The following NELFA variants were observed in gnomAD, a reference collection of about 807,000 sequenced individuals.
The protein encoded by NELFA is negative elongation factor A.
A neutral mutation model predicts 51.8 loss-of-function variants in NELFA; 35 were observed. The observed-to-expected ratio is 0.68, with a 90% CI of 0.52 to 0.90. NELFA has a LOEUF of 0.90. NELFA is among the 40% of genes least tolerant of loss of function. The pLI is 0.00. For missense variants in NELFA, 658 were observed against 746.4 expected (o/e 0.88, Z 1.38); for synonymous variants, 417 against 338.4 (o/e 1.23, Z -2.55).
intron 7 of NELFA, 80 bp from the exon 8 acceptor site, chr4:1,984,999 C>G (rs1018440646): frequency 9.6e-7 from 1 of 1,037,608 alleles, no homozygotes; most frequent in African/African-American, 1.6e-5. Context: ...ACCCGGAGCT[C>G]CACTGCCACA....
At position 1,987,949 on chromosome 4, in the gene NELFA, G is replaced by A; in HGVS notation, c.603C>T (p.Gly201=). 6.2e-7 allele frequency: 1 copy of A among 1,610,680 alleles called. No individual in the cohort carries two copies. The highest frequency in any genetic ancestry group is 8.5e-7 in the Non-Finnish European group (1 of 1,179,462). ...TGTCCATCTTCCGCAGCAGCCCCCG[G>A]CCCTTGGCGTGGAAGGGCACCCCGG... ...RSAGVPFHAK[G]RGLLRKMDTT... The change falls in exon 4 of 11, where the codon GGC becomes GGT. Residue 201 remains glycine, a synonymous_variant. Transcript: ENST00000382882.
intron 1 of NELFA, among the ~76,000 whole-genome samples, chr4:1,993,814 T>G (rs1245999309): frequency 7.4e-6 from 1 of 134,262 alleles, no homozygotes; most frequent in Non-Finnish European, 1.6e-5. Flanking sequence ...TTTTTTTTTT[T>G]GAGACAGAGT....
intron 4 of NELFA, chr4:1,987,515 G>A (rs1022821093): frequency 5.5e-6 from 1 of 182,462 alleles, no homozygotes. Flanking sequence ...AGGGACACTC[G>A]GAACCCAAGA....
At position 1,983,833 on chromosome 4, in the gene NELFA, C is replaced by G. The variant is rs776584835; in HGVS notation, c.1302+15G>C. On this transcript the variant is annotated intron_variant, in intron 9 of 10. Transcript: ENST00000382882. ...CCTACCTGGTGGCCTGTGGGCCCTACCAGTGTACACCTACCGTGAGGGACA... is the reference window on the plus strand; with the variant it reads ...CCTACCTGGTGGCCTGTGGGCCCTAGCAGTGTACACCTACCGTGAGGGACA... 2 of 1,566,438 alleles carry G rather than the reference C, an allele frequency of 1.3e-6. No individual in the cohort carries two copies. Among genetic ancestry groups the G allele is most frequent in the Non-Finnish European group, 1.7e-6 (2 of 1,154,962 alleles).
intron 7 of NELFA, 44 bp downstream of exon 7, chr4:1,985,732 C>T (rs1232079569): frequency 2.0e-6 from 3 of 1,525,502 alleles, no homozygotes; most frequent in East Asian, 2.3e-5. Context: ...ACAAAAGGGG[C>T]ACCCGCAGTG....
intron 1 of NELFA, chr4:2,007,906 G>T: frequency 6.6e-6 from 3 of 453,062 alleles, no homozygotes; most frequent in South Asian, 4.7e-5. Context: ...AAAACTACTC[G>T]GTTTATTTCG....
In NELFA at chr4:1,983,936, G is replaced by C; in HGVS notation, c.1214C>G (p.Pro405Arg). The change falls in exon 9 of 11, where the codon CCT becomes CGT. Residue 405 changes from proline (P) to arginine (R), a missense_variant. Pro to Arg is a moderately radical substitution (Grantham distance 103). Around this residue, in one of 3 missense-constraint regions of NELFA, gnomAD observed 200 missense variants for 167.9 expected, o/e 1.19. Coordinates refer to ENST00000382882, the MANE Select transcript of NELFA (RefSeq NM_005663.5). ...GGCAACCGGGGGTGTCTGAGTGGTA[G>C]GGGCGACAGCCGGAGGTGTGGTGGG... ...LTPTTPPAVA[P>R]TTQTPPVAMV... 1 of 1,610,758 alleles carries C rather than the reference G, an allele frequency of 6.2e-7. No homozygotes were observed.
chr4:2,008,820 C>G lies in NELFA; in HGVS notation c.140G>C (p.Gly47Ala). The G allele has an allele frequency of 1.2e-6, 2 of 1,611,504 alleles. No individual in the cohort carries two copies. The highest frequency in any genetic ancestry group is 1.7e-6 in the Non-Finnish European group (2 of 1,179,006). Reference sequence around the variant, plus strand: ...CTTGAGCTTCACTGCCGACGAGAGGCCATGGAAGCAGAGACGGATGTTGTC... The same window carrying G: ...CTTGAGCTTCACTGCCGACGAGAGGGCATGGAAGCAGAGACGGATGTTGTC... ...VIDNIRLCFHGLSSAVKLKLL... is the reference protein window; with the variant it reads ...VIDNIRLCFHALSSAVKLKLL... The change falls in exon 1 of 11, where the codon GGC (glycine) becomes GCC (alanine). Residue 47 changes from glycine to alanine, a missense_variant. Physicochemically the swap from Gly to Ala is moderately conservative, Grantham distance 60 (BLOSUM62 0). This residue lies in a region of NELFA where 371 missense variants were observed against 448.3 expected (regional missense o/e 0.83). Coordinates refer to ENST00000382882, the MANE Select transcript of NELFA (RefSeq NM_005663.5).
chr4:1,985,096 C>T (rs563037962), intron 7 of NELFA, among the ~76,000 whole-genome samples, 177 bp from the exon 8 acceptor site: 35 of 151,908 alleles, frequency 2.3e-4, no homozygotes, highest in Non-Finnish European at 4.0e-4. Context: ...TGGCCCCTGG[C>T]GCCCCAGCAG....
chr4:1,998,096 T>TCAA (rs988420652), intron 1 of NELFA, among the ~76,000 whole-genome samples: 27 of 133,840 alleles, frequency 2.0e-4, no homozygotes, highest in East Asian at 1.1e-3. Context: ...GACAACAGCA[T>TCAA]CAACAACAAC....
chr4:2,002,014 C>G (rs566393359), intron 1 of NELFA, among the ~76,000 whole-genome samples: 1 of 151,710 alleles, frequency 6.6e-6, no homozygotes, highest in Non-Finnish European at 1.5e-5. Flanking sequence ...TCCTGGCTAA[C>G]ACGGTGAAAC....
At chr4:1,990,154 A>G in intron 2 of NELFA, 1 of 478,872 alleles carries the variant, frequency 2.1e-6, no homozygotes, top group Non-Finnish European at 3.8e-6. Flanking sequence ...ACATAGATAC[A>G]GTGATTCCTG....
chr4:2,004,962 T>C (rs1728671616), intron 1 of NELFA, among the ~76,000 whole-genome samples: 1 of 151,438 alleles, frequency 6.6e-6, no homozygotes, highest in Admixed American at 6.6e-5. Context: ...CCTGCCACCA[T>C]GCCCGGCTAA....
At position 1,983,641 on chromosome 4, in the gene NELFA, G is replaced by A. The variant is rs779601696; in HGVS notation, c.1357C>T (p.Arg453Trp). 2.5e-6 allele frequency: 4 copies of A among 1,614,094 alleles called. No homozygotes were observed. The highest frequency in any genetic ancestry group is 2.5e-6 in the Non-Finnish European group (3 of 1,179,998). Residue 453 changes from arginine (R) to tryptophan (W), a missense_variant, in exon 10 of 11, where the codon CGG becomes TGG. By Grantham distance (101) the Arg-to-Trp change is moderately radical. Transcript: ENST00000382882. ...EMFKTANKVT[R>W]PEKALILGFM... is the part of the protein sequence containing the mutation. ...CCCAGGATGAGGGCCTTCTCGGGCC[G>A]CGTGACTTTGTTGGCCGTCTTGAAC... is the stretch of plus-strand genomic sequence containing the variant.
Position 2,002,196 on chromosome 4 carries a change from T to A in NELFA, c.210+6554A>T, listed in dbSNP as rs1053503123. Among the ~76,000 whole-genome samples, 7 of 151,498 alleles carry A rather than the reference T, an allele frequency of 4.6e-5. No homozygotes were observed. In the East Asian group the frequency reaches 9.7e-4, roughly 21 times the overall value. On this transcript the variant is annotated intron_variant, in intron 1 of 10. Transcript: ENST00000382882. ...GCCTGGGCGACAAAGCGAGACTCCATCTCAGAAAAAAAAAGAAAAAACAGA... is the reference window on the plus strand; with the variant it reads ...GCCTGGGCGACAAAGCGAGACTCCAACTCAGAAAAAAAAAGAAAAAACAGA...
chr4:1,985,008 C>G, intron 7 of NELFA, 89 bp from the exon 8 acceptor site: 1 of 924,834 alleles, frequency 1.1e-6, no homozygotes, highest in Non-Finnish European at 1.6e-6. Context: ...TCCACTGCCA[C>G]AGGCTGTGGC....
At chr4:1,991,498 G>C in intron 2 of NELFA, 46 bp downstream of exon 2, 2 of 1,584,212 alleles carry the variant, frequency 1.3e-6, no homozygotes, top group Non-Finnish European at 1.7e-6. Context: ...TTTCAAGAAA[G>C]ATCCATTTCC....
At chr4:1,998,642 C>T (rs1350227011) in intron 1 of NELFA, among the ~76,000 whole-genome samples, 1 of 152,050 alleles carries the variant, frequency 6.6e-6, no homozygotes, top group Non-Finnish European at 1.5e-5. Flanking sequence ...CCAAAAAACA[C>T]GGGATTTCAT....
chr4:1,987,963 A>G lies in NELFA; in HGVS notation c.589T>C (p.Phe197Leu). The G allele has an allele frequency of 5.6e-6, 9 of 1,611,394 alleles. No homozygotes were observed. Among genetic ancestry groups the G allele is most frequent in the Non-Finnish European group, 7.6e-6 (9 of 1,179,684 alleles). Residue 197 changes from phenylalanine to leucine, a missense_variant, in exon 4 of 11, where the codon TTC becomes CTC. Physicochemically the swap from Phe to Leu is conservative, Grantham distance 22. This residue lies in a region of NELFA where 371 missense variants were observed against 448.3 expected (regional missense o/e 0.83). Coordinates refer to ENST00000382882, the MANE Select transcript of NELFA (RefSeq NM_005663.5). ...AGCAGCCCCCGGCCCTTGGCGTGGA[A>G]GGGCACCCCGGCGCTCCGCTTCAAC... ...QQLKRSAGVPFHAKGRGLLRK... is the reference protein window; with the variant it reads ...QQLKRSAGVPLHAKGRGLLRK...
Sources: allele counts gnomAD v4.1 joint callset (sites outside exome capture counted in the v4.1 genomes callset), GRCh38; gene constraint gnomAD v4.1.1; regional missense constraint gnomAD v4.1.1; transcripts MANE v1.5; gene names NCBI Gene and HGNC (gene_info 2026-07-23, HGNC 2026-07-21).